NRK: variants seen among roughly 807,000 people sequenced by gnomAD.
NRK encodes the protein Nik related kinase, also known as nik-related protein kinase.
A neutral mutation model predicts 125.2 loss-of-function variants in NRK; 67 were observed. The ratio of observed to expected loss-of-function variants is 0.54; its 90% CI spans 0.44 to 0.66. The LOEUF (loss-of-function observed/expected upper bound fraction) is 0.66, where lower values mean the gene tolerates loss of function less well. Among genes scored for constraint, NRK ranks in the 30% least tolerant of loss-of-function variants. The pLI is 0.00. For missense variants in NRK, 1,224 were observed against 1,192.9 expected (o/e 1.03, Z -0.38); for synonymous variants, 458 against 429.0 (o/e 1.07, Z -0.84).
intron 22 of NRK, among the ~76,000 whole-genome samples, chrX:105,938,301 G>A (rs947189114): frequency 9.0e-6 from 1 of 111,444 alleles, no homozygotes; most frequent in African/African-American, 3.3e-5. Context: ...ACTTATATGA[G>A]TTTATGTATT....
At chrX:105,838,033 ACT>A (rs971673080) in intron 2 of NRK, among the ~76,000 whole-genome samples, 1 of 110,299 alleles carries the variant, frequency 9.1e-6, no homozygotes, top group African/African-American at 3.3e-5. Context: ...AATGTATTAG[ACT>A]CTATAATCTC....
rs1287517731 is a variant in NRK at position 105,923,196 on chromosome X, T to C, written c.2689T>C (p.Ser897Pro). 2 of 1,205,721 alleles carry C rather than the reference T, an allele frequency of 1.7e-6. No homozygotes were observed. The highest frequency in any genetic ancestry group is 1.8e-5 in the South Asian group (1 of 56,695). Residue 897 changes from serine to proline, a missense_variant, in exon 18 of 29, where the codon TCT becomes CCT. Transcript: ENST00000243300. ...TNEWVGYNALSEIFRNDWLTP... is the reference protein window; with the variant it reads ...TNEWVGYNALPEIFRNDWLTP... ...CGAATGGGTAGGCTATAATGCACTC[T>C]CTGAAATCTTCCGGAATGATTGGTT...
At chrX:105,950,786 G>C (rs1363532229) in intron 27 of NRK, among the ~76,000 whole-genome samples, 1 of 108,450 alleles carries the variant, frequency 9.2e-6, no homozygotes, top group Non-Finnish European at 1.9e-5. Context: ...TTTAGGTTTA[G>C]AATTTTTAGT....
At chrX:105,834,768 A>G (rs1387803751) in intron 2 of NRK, among the ~76,000 whole-genome samples, 3 of 107,049 alleles carry the variant, frequency 2.8e-5, no homozygotes, top group Non-Finnish European at 5.8e-5. Flanking sequence ...TTCTATCTTC[A>G]CTTTCATTGA....
intron 2 of NRK, among the ~76,000 whole-genome samples, chrX:105,871,692 C>T (rs765818878): frequency 2.7e-5 from 3 of 111,075 alleles, no homozygotes; most frequent in South Asian, 7.6e-4. Flanking sequence ...CAAATAGATT[C>T]GGTGGCAAAA....
chrX:105,880,459 A>G (rs954561274), intron 3 of NRK, among the ~76,000 whole-genome samples: 1 of 111,292 alleles, frequency 9.0e-6, no homozygotes, highest in African/African-American at 3.3e-5. Flanking sequence ...ATCCACATAA[A>G]ACAATGCTTC....
intron 14 of NRK, among the ~76,000 whole-genome samples, chrX:105,913,550 A>G (rs752319134): frequency 8.9e-6 from 1 of 111,788 alleles, no homozygotes; most frequent in Admixed American, 9.5e-5. Context: ...GGTGGGAGAT[A>G]TGTTTGAAAA....
intron 9 of NRK, among the ~76,000 whole-genome samples, chrX:105,902,599 C>T (rs2040173006): frequency 8.9e-6 from 1 of 111,823 alleles, no homozygotes; most frequent in African/African-American, 3.3e-5. Flanking sequence ...ATAACTTCTC[C>T]TTGATAGGAT....
At chrX:105,943,190 C>T (rs2040767807) in intron 23 of NRK, among the ~76,000 whole-genome samples, 1 of 111,505 alleles carries the variant, frequency 9.0e-6, no homozygotes, top group African/African-American at 3.3e-5. Flanking sequence ...GGTGTTTGAT[C>T]AATTTTGAGT....
chrX:105,921,882 A>C, intron 16 of NRK, 82 bp from the exon 17 acceptor site: 1 of 403,183 alleles, frequency 2.5e-6, no homozygotes, highest in Non-Finnish European at 4.3e-6. Flanking sequence ...AAAAAAACCA[A>C]GGGATTTAAC....
At chrX:105,912,901 A>T (rs987495152) in intron 14 of NRK, 146 bp downstream of exon 14, 5 of 297,327 alleles carry the variant, frequency 1.7e-5, no homozygotes, top group African/African-American at 1.4e-4. Context: ...GTATCATTTG[A>T]TATTTAATTT....
At chrX:105,846,462 T>A (rs2039403021) in intron 2 of NRK, among the ~76,000 whole-genome samples, 1 of 111,386 alleles carries the variant, frequency 9.0e-6, no homozygotes, top group South Asian at 3.8e-4. Flanking sequence ...GCCCAGAGAA[T>A]ATACTGTTTT....
intron 13 of NRK, 87 bp downstream of exon 13, chrX:105,909,969 A>G (rs1416010069): frequency 1.4e-6 from 1 of 707,313 alleles, no homozygotes; most frequent in Non-Finnish European, 2.0e-6. Flanking sequence ...AGTAAAACCA[A>G]ATGAAATAAA....
At chrX:105,862,850 T>G (rs2039619894) in intron 2 of NRK, among the ~76,000 whole-genome samples, 1 of 112,065 alleles carries the variant, frequency 8.9e-6, no homozygotes, top group Admixed American at 9.5e-5. Context: ...GCAATACACT[T>G]GAGGCAAAGA....
intron 5 of NRK, among the ~76,000 whole-genome samples, chrX:105,891,959 GT>G (rs1051547629): frequency 3.3e-4 from 36 of 110,505 alleles, no homozygotes; most frequent in Middle Eastern, 4.7e-3. Context: ...TCACTTACAA[GT>G]TTTTTTTTCC....
In NRK at chrX:105,856,388, T is replaced by C. The variant is rs1276185003; in HGVS notation, c.124-23811T>C. Among the ~76,000 whole-genome samples the C allele has an allele frequency of 2.7e-5, 3 of 112,305 alleles. No homozygotes were observed. The East Asian group carries it at 8.4e-4, about 31-fold the overall frequency. On this transcript the variant is annotated intron_variant, in intron 2 of 28. Coordinates refer to ENST00000243300, the MANE Select transcript of NRK (RefSeq NM_198465.4). ...ATGTCATAGGGTTAGTGCTCATGTA[T>C]GTAAGATGCTAAACATCTGAATATT...
At chrX:105,835,822 T>C (rs2039257894) in intron 2 of NRK, among the ~76,000 whole-genome samples, 1 of 110,373 alleles carries the variant, frequency 9.1e-6, no homozygotes, top group Non-Finnish European at 1.9e-5. Flanking sequence ...AATCTGTATG[T>C]TTGTATAAAT....
At chrX:105,927,668 G>A (rs1427224732) in intron 19 of NRK, among the ~76,000 whole-genome samples, 1 of 111,014 alleles carries the variant, frequency 9.0e-6, no homozygotes, top group Non-Finnish European at 1.9e-5. Context: ...CCCAAACTGT[G>A]GAGAGTTTTT....
chrX:105,948,840 A>T lies in NRK; in HGVS notation c.4354-735A>T, dbSNP rs761604014. On this transcript the variant is annotated intron_variant, in intron 26 of 28. Transcript: ENST00000243300. ...TAGAGGAACACAATTTTTCATTTGT[A>T]GGGAAATACTGTTAATGTGACAATA... The T allele has an allele frequency of 1.2e-4, 46 of 386,237 alleles. No homozygotes were observed. The East Asian group carries it at 1.9e-3, about 16-fold the overall frequency. 31.8% of individuals were successfully genotyped at this position (386,237 alleles called of 1,213,427 possible). A position where few individuals can be genotyped will look rare whatever the true frequency, so the allele number is the denominator to read the frequency against.
Sources: allele counts gnomAD v4.1 joint callset (sites outside exome capture counted in the v4.1 genomes callset), GRCh38; gene constraint gnomAD v4.1.1; transcripts MANE v1.5; gene names NCBI Gene and HGNC (gene_info 2026-07-23, HGNC 2026-07-21).